Variants in RP2 observed in about 807,000 individuals in gnomAD.
RP2 encodes protein XRP2.
In RP2, 3 loss-of-function variants were observed where a neutral mutation model predicts 20.3. The observed-to-expected ratio is 0.15, with a 90% CI of 0.07 to 0.38. The LOEUF (loss-of-function observed/expected upper bound fraction) is 0.38, where lower values mean the gene tolerates loss of function less well. Among genes scored for constraint, RP2 ranks in the 10% least tolerant of loss-of-function variants. RP2 has a pLI of 1.00. For missense variants in RP2, 233 were observed against 268.5 expected, an observed-to-expected ratio of 0.87 and a Z score of 0.92; for synonymous variants, 75 against 94.8, an observed-to-expected ratio of 0.79 and a Z score of 1.22.
intron 1 of RP2, among the ~76,000 whole-genome samples, chrX:46,852,651 C>T (rs1447099452): frequency 9.0e-6 from 1 of 110,919 alleles, no homozygotes; most frequent in Admixed American, 9.6e-5. Context: ...GGTGCGATCT[C>T]GGCTCACTGC....
chrX:46,854,179 A>G, intron 2 of RP2, 38 bp downstream of exon 2: 2 of 1,148,317 alleles, frequency 1.7e-6, no homozygotes, highest in Non-Finnish European at 2.4e-6. Flanking sequence ...ATACACCTAG[A>G]TTTAAAAATG....
intron 4 of RP2, among the ~76,000 whole-genome samples, chrX:46,878,972 C>T (rs1925420514): frequency 9.4e-6 from 1 of 106,434 alleles, no homozygotes. Flanking sequence ...CACCTGTAAT[C>T]CCAGCACTTT....
chrX:46,855,665 C>T (rs1162548733), intron 2 of RP2, among the ~76,000 whole-genome samples: 5 of 110,322 alleles, frequency 4.5e-5, no homozygotes, highest in African/African-American at 1.6e-4. Flanking sequence ...CAGGGTTTTG[C>T]CATGTTGGTT....
rs1602345057 is a variant in RP2 at position 46,846,283 on chromosome X, T to G, written c.103-7193T>G. Among the ~76,000 whole-genome samples the G allele has an allele frequency of 3.6e-5, 4 of 111,828 alleles. No individual in the cohort carries two copies. In the South Asian group the frequency reaches 1.5e-3, roughly 41 times the overall value. ...GTGGGATTGCTGATCATATGGAAAT[T>G]GTTTATTAAACTTTACAAAAAACTG... is the stretch of plus-strand genomic sequence containing the variant. On this transcript the variant is annotated intron_variant, in intron 1 of 4. Transcript: ENST00000218340.
chrX:46,868,367 GA>G (rs1375362782), intron 3 of RP2, among the ~76,000 whole-genome samples: 8 of 104,718 alleles, frequency 7.6e-5, no homozygotes, highest in East Asian at 6.0e-4. Context: ...TCTACAAAAA[GA>G]AAAAAAAAAT....
intron 3 of RP2, among the ~76,000 whole-genome samples, chrX:46,871,797 G>C (rs781883427): frequency 1.8e-5 from 2 of 112,141 alleles, no homozygotes; most frequent in African/African-American, 6.5e-5. Flanking sequence ...GAGTGTTGAA[G>C]CCTCCAACTG....
intron 3 of RP2, 103 bp from the exon 4 acceptor site, chrX:46,877,402 C>T (rs1925387980): frequency 8.4e-6 from 5 of 593,656 alleles, no homozygotes; most frequent in East Asian, 3.6e-5. Flanking sequence ...TCTCTTTCAC[C>T]CTCAAAGAAG....
chrX:46,875,340 C>A (rs1228855700), intron 3 of RP2, among the ~76,000 whole-genome samples: 2 of 106,654 alleles, frequency 1.9e-5, no homozygotes, highest in African/African-American at 6.8e-5. Flanking sequence ...CTTGTCACTA[C>A]CTCTGCATTT....
intron 1 of RP2, among the ~76,000 whole-genome samples, chrX:46,852,308 AAAG>A (rs1181272303): frequency 1.8e-5 from 2 of 111,996 alleles, no homozygotes; most frequent in African/African-American, 6.5e-5. Context: ...GAAAGGAGCG[AAAG>A]AAGGAGTGAA....
intron 3 of RP2, among the ~76,000 whole-genome samples, chrX:46,876,309 G>A (rs1244229913): frequency 1.8e-5 from 2 of 110,237 alleles, no homozygotes; most frequent in South Asian, 3.9e-4. Flanking sequence ...TTGTAGAGAC[G>A]GGGTCTTGCT....
intron 1 of RP2, among the ~76,000 whole-genome samples, chrX:46,847,471 G>A (rs782740819): frequency 8.5e-5 from 9 of 105,659 alleles, no homozygotes; most frequent in Non-Finnish European, 1.6e-4. Context: ...TTGCTGTGTC[G>A]CCAGGTTGGA....
intron 3 of RP2, among the ~76,000 whole-genome samples, chrX:46,862,631 G>C (rs1925095562): frequency 9.0e-6 from 1 of 111,686 alleles, no homozygotes; most frequent in Non-Finnish European, 1.9e-5. Context: ...CTGCACTCCA[G>C]CCTGGGCGAC....
chrX:46,881,837 A>C lies in RP2; in HGVS notation c.*2068A>C. On this transcript the variant is annotated 3_prime_UTR_variant, in exon 5 of 5. Coordinates refer to ENST00000218340, the MANE Select transcript of RP2 (RefSeq NM_006915.3). ...ATAATAACAATACTTTTTGTTTTTC[A>C]AAAATAAAATGCAATGTTATATAAA... 1 of 111,954 alleles carries C rather than the reference A, an allele frequency of 8.9e-6. No individual in the cohort carries two copies. Among genetic ancestry groups the C allele is most frequent in the Non-Finnish European group, 1.9e-5 (1 of 53,260 alleles). 9.2% of individuals were successfully genotyped at this position (111,954 alleles called of 1,213,427 possible).
intron 1 of RP2, among the ~76,000 whole-genome samples, chrX:46,840,368 A>G (rs5906282): frequency 0.15 from 17,068 of 111,323 alleles, 1,194 homozygotes; most frequent in East Asian, 0.37. Context: ...GCTGGGAGAA[A>G]TTGTCTCATT....
intron 1 of RP2, among the ~76,000 whole-genome samples, chrX:46,847,822 GTATATGTGTATA>G (rs1569531420): frequency 1.1e-5 from 1 of 91,641 alleles, no homozygotes; most frequent in East Asian, 3.5e-4. Context: ...ACATATATGT[GTATATGTGTATA>G]TATGTGTGTA....
intron 3 of RP2, among the ~76,000 whole-genome samples, chrX:46,864,670 T>G (rs1210961407): frequency 9.0e-6 from 1 of 111,378 alleles, no homozygotes; most frequent in African/African-American, 3.3e-5. Context: ...CTCAGCCTCC[T>G]AAAGTGCTGA....
chrX:46,837,325 T>C, intron 1 of RP2, 123 bp downstream of exon 1: 2 of 767,811 alleles, frequency 2.6e-6, no homozygotes, highest in Non-Finnish European at 3.9e-6. Flanking sequence ...CGCGGATAGC[T>C]GAAGTCGGGG....
chrX:46,857,518 C>T (rs782069817), intron 2 of RP2, among the ~76,000 whole-genome samples: 23 of 112,091 alleles, frequency 2.1e-4, no homozygotes, highest in Non-Finnish European at 3.0e-4. Flanking sequence ...GAGATCCCAC[C>T]ACTGCACTCC....
intron 1 of RP2, among the ~76,000 whole-genome samples, chrX:46,848,320 G>C (rs782342802): frequency 9.2e-6 from 1 of 108,765 alleles, no homozygotes; most frequent in African/African-American, 3.3e-5. Context: ...GCTTAACTTG[G>C]TTTAATAGCT....
Sources: gnomAD v4.1 joint callset for allele counts (sites outside exome capture counted in the v4.1 genomes callset) on GRCh38, gnomAD v4.1.1 for gene constraint, MANE v1.5 for transcripts, NCBI Gene and HGNC (gene_info 2026-07-23, HGNC 2026-07-21) for gene names.